The following SIN3B variants were observed in gnomAD, a reference collection of about 807,000 sequenced individuals.
SIN3B encodes the protein paired amphipathic helix protein Sin3b.
Under a neutral mutation model 120.2 loss-of-function variants are expected in SIN3B, and 19 were observed. The observed-to-expected ratio is 0.16, with a 90% CI of 0.11 to 0.23. The LOEUF (loss-of-function observed/expected upper bound fraction) is 0.23, where lower values mean the gene tolerates loss of function less well. Ranked by LOEUF, SIN3B falls within the 10% of genes least tolerant of loss-of-function variation. The pLI is 1.00. For missense variants in SIN3B, 1,073 were observed against 1,573.0 expected (o/e 0.68, Z 5.38); for synonymous variants, 654 against 653.2 (o/e 1.00, Z -0.02).
intron 8 of SIN3B, among the ~76,000 whole-genome samples, chr19:16,861,742 G>A (rs1049067044): frequency 3.5e-5 from 5 of 144,386 alleles, no homozygotes; most frequent in Non-Finnish European, 6.0e-5. Context: ...CAGCCTGGGC[G>A]ACAAGAGTGA....
intron 12 of SIN3B, among the ~76,000 whole-genome samples, chr19:16,867,178 G>A (rs1274493528): frequency 1.3e-5 from 2 of 152,230 alleles, no homozygotes; most frequent in Non-Finnish European, 1.5e-5. Context: ...ACCGGTGTTA[G>A]CAACACAGAA....
At chr19:16,867,887 T>G (rs2144617925) in intron 12 of SIN3B, among the ~76,000 whole-genome samples, 1 of 152,260 alleles carries the variant, frequency 6.6e-6, no homozygotes, top group African/African-American at 2.4e-5. Flanking sequence ...AGACCCCGTA[T>G]AGGTTCTGTG....
At chr19:16,843,120 C>T (rs1169624012) in intron 4 of SIN3B, among the ~76,000 whole-genome samples, 1 of 151,846 alleles carries the variant, frequency 6.6e-6, no homozygotes, top group Non-Finnish European at 1.5e-5. Flanking sequence ...TTTTTTGAAA[C>T]AGAATCTTGC....
Position 16,831,687 on chromosome 19 carries a change from C to G in SIN3B, c.381+40C>G, listed in dbSNP as rs761688432. 9 of 1,601,426 alleles carry G rather than the reference C, an allele frequency of 5.6e-6. No homozygotes were observed. In the South Asian group the frequency reaches 6.6e-5, roughly 12 times the overall value. On this transcript the variant is annotated intron_variant, in intron 3 of 18. Coordinates refer to ENST00000248054, the MANE Select transcript of SIN3B (RefSeq NM_001297595.2). ...TGGTTCGGGTGATCTCAGCCTTCAC[C>G]GAGTATGTCTTGCTACTCAGGTTGG...
chr19:16,878,366 C>T lies in SIN3B; in HGVS notation c.3138C>T (p.Arg1046=), dbSNP rs780830044. The change falls in exon 18 of 19, where the codon CGC becomes CGT. Residue 1046 remains arginine (R), a synonymous_variant. Transcript: ENST00000248054. ...IVNSEDYMYR[R]GTLCRAKQVQ... is the part of the protein sequence containing the mutation. ...ACTCCGAGGACTACATGTACCGTCG[C>T]GGGACCCTCTGCCGGGCCAAGCAGG... 18 of 1,611,976 alleles carry T rather than the reference C, an allele frequency of 1.1e-5. No homozygotes were observed. The highest frequency in any genetic ancestry group is 1.1e-4 in the African/African-American group (8 of 74,918).
At chr19:16,853,702 G>A (rs1293948543) in intron 7 of SIN3B, among the ~76,000 whole-genome samples, 5 of 149,478 alleles carry the variant, frequency 3.3e-5, no homozygotes, top group South Asian at 4.2e-4. Flanking sequence ...CACGGATCGC[G>A]TGCACGGGCT....
chr19:16,870,226 T>C, intron 13 of SIN3B, 151 bp downstream of exon 13: 1 of 1,022,980 alleles, frequency 9.8e-7, no homozygotes, highest in Admixed American at 2.9e-5. Context: ...AACAGGAAGT[T>C]GCCAGCATAA....
At chr19:16,831,064 C>T (rs1164384328) in intron 2 of SIN3B, among the ~76,000 whole-genome samples, 22 of 138,108 alleles carry the variant, frequency 1.6e-4, no homozygotes, top group Non-Finnish European at 3.2e-5. Flanking sequence ...CATGGGGGCA[C>T]TTTTTTTTTT....
chr19:16,844,862 G>A (rs1447591854), intron 4 of SIN3B, among the ~76,000 whole-genome samples: 1 of 152,206 alleles, frequency 6.6e-6, no homozygotes, highest in Non-Finnish European at 1.5e-5. Context: ...GAGGTCATCT[G>A]AAATCAGACA....
At chr19:16,871,718 T>C in intron 14 of SIN3B, 1 of 293,604 alleles carries the variant, frequency 3.4e-6, no homozygotes. Flanking sequence ...AGTCAACTGC[T>C]TTCTGCCTCT....
chr19:16,863,859 G>A (rs922282761), intron 10 of SIN3B, 63 bp downstream of exon 10: 1 of 1,170,696 alleles, frequency 8.5e-7, no homozygotes, highest in Non-Finnish European at 1.3e-6. Flanking sequence ...CATGGGACAT[G>A]CATCCTGATC....
intron 9 of SIN3B, chr19:16,863,450 G>T: frequency 1.8e-6 from 1 of 558,382 alleles, no homozygotes; most frequent in South Asian, 2.4e-5. Flanking sequence ...TGTGGATTTG[G>T]GTCTTCAGGG....
chr19:16,874,668 GT>G (rs2051562635), intron 14 of SIN3B, among the ~76,000 whole-genome samples: 1 of 150,942 alleles, frequency 6.6e-6, no homozygotes, highest in African/African-American at 2.4e-5. Flanking sequence ...GTTTGGTTTG[GT>G]TTTGGTTTGG....
intron 3 of SIN3B, among the ~76,000 whole-genome samples, chr19:16,838,965 C>T (rs1007596199): frequency 2.3e-5 from 3 of 132,818 alleles, no homozygotes; most frequent in South Asian, 2.4e-4. Flanking sequence ...AGCCACCGCG[C>T]CTGGCTTTTT....
In SIN3B at chr19:16,869,850, C is replaced by T; in HGVS notation, c.2197C>T (p.His733Tyr). 1 of 1,614,172 alleles carries T rather than the reference C, an allele frequency of 6.2e-7. No homozygotes were observed. The highest frequency in any genetic ancestry group is 8.5e-7 in the Non-Finnish European group (1 of 1,180,022). Residue 733 changes from histidine to tyrosine, a missense_variant, in exon 13 of 19, where the codon CAC becomes TAC. Transcript: ENST00000248054. ...EQPPLPPPAPHKPLDDVYSLF... is the reference protein window; with the variant it reads ...EQPPLPPPAPYKPLDDVYSLF... ...GCCACCCCTGCCGCCCCCAGCCCCG[C>T]ACAAGCCCCTGGACGATGTCTACAG...
intron 6 of SIN3B, among the ~76,000 whole-genome samples, chr19:16,851,835 C>G (rs182092596): frequency 4.7e-4 from 72 of 152,370 alleles, no homozygotes; most frequent in African/African-American, 1.5e-3. Context: ...TCAGGACTCT[C>G]TCACAGGCAA....
chr19:16,831,616 A>G lies in SIN3B; in HGVS notation c.350A>G (p.Lys117Arg), dbSNP rs933246586. The G allele has an allele frequency of 4.3e-6, 7 of 1,613,964 alleles. No individual in the cohort carries two copies. Among genetic ancestry groups the G allele is most frequent in the Non-Finnish European group, 5.9e-6 (7 of 1,179,980 alleles). Residue 117 changes from lysine to arginine, a missense_variant, in exon 3 of 19, where the codon AAG becomes AGG. Physicochemically the swap from Lys to Arg is conservative, Grantham distance 26. Around this residue, in one of 7 missense-constraint regions of SIN3B, gnomAD observed 395 missense variants for 528.0 expected, o/e 0.75. Coordinates refer to ENST00000248054, the MANE Select transcript of SIN3B (RefSeq NM_001297595.2). ...GYRIDIPKNG[K>R]LNIQSPLTSQ... ...AGAATAGACATTCCCAAGAATGGCA[A>G]GTTAAACATACAGTCGCCTCTGACA...
At chr19:16,869,173 G>T (rs925557494) in intron 12 of SIN3B, among the ~76,000 whole-genome samples, 2 of 152,118 alleles carry the variant, frequency 1.3e-5, no homozygotes, top group African/African-American at 4.8e-5. Flanking sequence ...TGTGAACCCC[G>T]CCCCACATCT....
chr19:16,862,449 A>G lies in SIN3B; in HGVS notation c.1156A>G (p.Ser386Gly), dbSNP rs746927268. The change falls in exon 9 of 19, where the codon AGC becomes GGC. Residue 386 changes from serine to glycine, a missense_variant. By Grantham distance (56) the Ser-to-Gly change is moderately conservative. Transcript: ENST00000248054. This position sits in a 1 kb window ranked among gnomAD's most constrained non-coding sequence, Gnocchi z 4.7. ...PMSDRSGDGI[S>G]REIDYASCKR... ...GAGCGACAGATCCGGGGACGGGATA[A>G]GCCGGGAAATTGATTATGCATCCTG... 1 of 1,614,168 alleles carries G rather than the reference A, an allele frequency of 6.2e-7. No individual in the cohort carries two copies. The highest frequency in any genetic ancestry group is 8.5e-7 in the Non-Finnish European group (1 of 1,180,038).
Sources: allele counts gnomAD v4.1 joint callset (sites outside exome capture counted in the v4.1 genomes callset), GRCh38; gene constraint gnomAD v4.1.1; regional missense constraint gnomAD v4.1.1; non-coding constraint Gnocchi (gnomAD v3.1); transcripts MANE v1.5; gene names NCBI Gene and HGNC (gene_info 2026-07-23, HGNC 2026-07-21).